The following PDE4D variants were observed in gnomAD, a reference collection of about 807,000 sequenced individuals.
PDE4D encodes the protein phosphodiesterase 4D.
Under a neutral mutation model 87.4 loss-of-function variants are expected in PDE4D, and 24 were observed. The observed-to-expected ratio is 0.27, with a 90% CI of 0.20 to 0.39. PDE4D has a LOEUF of 0.39. Among genes scored for constraint, PDE4D ranks in the 10% least tolerant of loss-of-function variants. The pLI is 1.00. For synonymous variants in PDE4D, 384 were observed against 383.2 expected (o/e 1.00, Z -0.02); for missense variants, 714 against 1,041.0 (o/e 0.69, Z 4.32).
At chr5:59,105,808 T>A (rs1771487323) in intron 5 of PDE4D, among the ~76,000 whole-genome samples, 1 of 152,130 alleles carries the variant, frequency 6.6e-6, no homozygotes, top group South Asian at 2.1e-4. Flanking sequence ...GGCCCAGGGG[T>A]CAGACTCAGT....
intron 1 of PDE4D, among the ~76,000 whole-genome samples, chr5:59,244,680 CTGTG>C (rs369829189): frequency 0.19 from 22,524 of 119,758 alleles, 2,191 homozygotes; most frequent in Non-Finnish European, 0.24. Flanking sequence ...GTGTGTGTGT[CTGTG>C]TGTGTGTGTG....
At chr5:60,433,383 A>T (rs955366737) in intron 1 of PDE4D, among the ~76,000 whole-genome samples, 6 of 152,222 alleles carry the variant, frequency 3.9e-5, no homozygotes, top group African/African-American at 9.6e-5. Context: ...ATCATCTCAC[A>T]CCAGTCAGAA....
intron 5 of PDE4D, among the ~76,000 whole-genome samples, chr5:59,069,114 T>C (rs1216090662): frequency 1.3e-5 from 2 of 152,228 alleles, no homozygotes; most frequent in Non-Finnish European, 2.9e-5. Context: ...CCTAAAGTTA[T>C]CTAAATAATC....
chr5:59,748,830 G>C (rs895352030), intron 1 of PDE4D, among the ~76,000 whole-genome samples: 4 of 152,142 alleles, frequency 2.6e-5, no homozygotes, highest in African/African-American at 4.8e-5. Context: ...AGAACACCCA[G>C]CCCTTTGGAG....
At chr5:59,367,845 T>C (rs1344396996) in intron 1 of PDE4D, among the ~76,000 whole-genome samples, 1 of 152,132 alleles carries the variant, frequency 6.6e-6, no homozygotes, top group Non-Finnish European at 1.5e-5. Context: ...TGTAAAGAAA[T>C]CCACTTCGTG....
At chr5:59,453,995 A>G (rs1241009839) in intron 1 of PDE4D, among the ~76,000 whole-genome samples, 1 of 152,218 alleles carries the variant, frequency 6.6e-6, no homozygotes, top group Admixed American at 6.5e-5. Flanking sequence ...AGTTGAAGCC[A>G]ATGTTCATTT....
rs1316055501 is a variant in PDE4D, at chr5:58,999,558, T to TAC, written c.922-6094_922-6093insGT. ...GCATTTTTGATTGATTATATGTATA[T>TAC]ATATATATATGTATATATATAGTAA... is the stretch of plus-strand genomic sequence containing the variant. On this transcript the variant is annotated intron_variant, in intron 6 of 14. Transcript: ENST00000340635. 1.9e-5 allele frequency: 24 copies of TAC among 1,240,212 alleles called. No homozygotes were observed. The Admixed American group carries it at 6.2e-4, about 32-fold the overall frequency. The allele number at this position is 1,240,212 out of a possible 1,614,324, so 76.8% of individuals were successfully genotyped here. A position where few individuals can be genotyped will look rare whatever the true frequency, so the allele number is the denominator to read the frequency against.
At chr5:59,964,227 G>A (rs985485945) in intron 3 of PDE4D, among the ~76,000 whole-genome samples, 5 of 152,106 alleles carry the variant, frequency 3.3e-5, no homozygotes, top group Admixed American at 2.6e-4. Flanking sequence ...CTCTTCTTAA[G>A]ATTTTGACCT....
intron 1 of PDE4D, among the ~76,000 whole-genome samples, chr5:59,655,421 T>G (rs920914781): frequency 2.6e-5 from 4 of 152,200 alleles, no homozygotes; most frequent in Non-Finnish European, 4.4e-5. Context: ...AGTGTTTTTT[T>G]GTTGTTCTGG....
chr5:60,173,457 C>G (rs1209586541), intron 2 of PDE4D, among the ~76,000 whole-genome samples: 1 of 151,966 alleles, frequency 6.6e-6, no homozygotes, highest in East Asian at 1.9e-4. Context: ...TAATTCCATT[C>G]GAATCTGGTA....
At chr5:59,989,940 T>C (rs1762840653) in intron 2 of PDE4D, among the ~76,000 whole-genome samples, 1 of 152,186 alleles carries the variant, frequency 6.6e-6, no homozygotes, top group South Asian at 2.1e-4. Flanking sequence ...AAAATGGGAC[T>C]AATATTTACA....
intron 3 of PDE4D, among the ~76,000 whole-genome samples, chr5:59,905,795 G>T (rs766517249): frequency 6.6e-6 from 1 of 152,048 alleles, no homozygotes; most frequent in Non-Finnish European, 1.5e-5. Context: ...GAAATTAGGG[G>T]AGTAAAAAAC....
At chr5:60,336,948 C>A (rs1471612031) in intron 1 of PDE4D, among the ~76,000 whole-genome samples, 1 of 151,986 alleles carries the variant, frequency 6.6e-6, no homozygotes, top group Non-Finnish European at 1.5e-5. Context: ...GACAAAAATC[C>A]ACTATCCAAT....
At chr5:59,206,538 A>T (rs1056330622) in intron 2 of PDE4D, among the ~76,000 whole-genome samples, 1 of 152,192 alleles carries the variant, frequency 6.6e-6, no homozygotes, top group Non-Finnish European at 1.5e-5. Context: ...ATTTAAAATG[A>T]TTGATGTGTA....
At chr5:59,668,722 AG>A (rs1746482271) in intron 1 of PDE4D, among the ~76,000 whole-genome samples, 5 of 103,452 alleles carry the variant, frequency 4.8e-5, no homozygotes, top group Non-Finnish European at 9.6e-5. Context: ...AAGAAAAAAA[AG>A]AAGAAGAAGA....
At chr5:60,513,194 A>G (rs1176591708) in intron 1 of PDE4D, among the ~76,000 whole-genome samples, 2 of 152,186 alleles carry the variant, frequency 1.3e-5, no homozygotes, top group Non-Finnish European at 2.9e-5. Context: ...AAACAAAGCT[A>G]TATGTTTCTT....
chr5:59,241,037 A>G (rs911659950), intron 1 of PDE4D, among the ~76,000 whole-genome samples: 1 of 152,194 alleles, frequency 6.6e-6, no homozygotes, highest in South Asian at 2.1e-4. Context: ...TGAAGTGCTC[A>G]GCACACTGTA....
chr5:59,514,464 G>A (rs2153670173), intron 1 of PDE4D, among the ~76,000 whole-genome samples: 1 of 152,166 alleles, frequency 6.6e-6, no homozygotes, highest in Admixed American at 6.5e-5. Context: ...GTGGGAGGCT[G>A]TTACAAATTA....
At chr5:59,664,789 T>C (rs1222875687) in intron 1 of PDE4D, among the ~76,000 whole-genome samples, 1 of 152,244 alleles carries the variant, frequency 6.6e-6, no homozygotes, top group African/African-American at 2.4e-5. Context: ...AACCTTTCTA[T>C]ACTTAAAAGA....
Sources: allele counts gnomAD v4.1 joint callset (sites outside exome capture counted in the v4.1 genomes callset), GRCh38; gene constraint gnomAD v4.1.1; transcripts MANE v1.5; gene names NCBI Gene and HGNC (gene_info 2026-07-23, HGNC 2026-07-21).